Variants in PRKD1 observed in about 807,000 individuals in gnomAD.
The protein encoded by PRKD1 is serine/threonine-protein kinase D1.
PRKD1 carries 63 observed loss-of-function variants against 95.9 expected under a neutral mutation model. The observed-to-expected ratio is 0.66, with a 90% CI of 0.54 to 0.81. The LOEUF (loss-of-function observed/expected upper bound fraction) is 0.81, where lower values mean the gene tolerates loss of function less well. Among genes scored for constraint, PRKD1 ranks in the 30% least tolerant of loss-of-function variants. The pLI is 0.00. For synonymous variants in PRKD1, 425 were observed against 423.1 expected (o/e 1.00, Z -0.05); for missense variants, 1,048 against 1,165.3 (o/e 0.90, Z 1.47).
intron 1 of PRKD1, among the ~76,000 whole-genome samples, chr14:29,849,871 T>TAAAG (rs1892236960): frequency 2.6e-5 from 4 of 152,204 alleles, no homozygotes; most frequent in African/African-American, 9.6e-5. Context: ...GTCGACTTTA[T>TAAAG]TCCCAGGATG....
intron 1 of PRKD1, among the ~76,000 whole-genome samples, chr14:29,877,232 A>C (rs1893333237): frequency 6.6e-6 from 1 of 152,230 alleles, no homozygotes. Context: ...GAGAAACTGC[A>C]ACCCTGGTAC....
intron 13 of PRKD1, among the ~76,000 whole-genome samples, chr14:29,609,717 T>A (rs1394858474): frequency 5.7e-4 from 61 of 106,882 alleles, no homozygotes; most frequent in Middle Eastern, 4.6e-3. Flanking sequence ...TTTCTTTATT[T>A]TTTTTTTTTT....
chr14:29,700,503 T>C (rs954728), intron 2 of PRKD1, among the ~76,000 whole-genome samples: 77,421 of 151,924 alleles, frequency 0.51, 21,974 homozygotes, highest in African/African-American at 0.77. Flanking sequence ...TCCTATTTTT[T>C]CTGTATTTCA....
intron 1 of PRKD1, among the ~76,000 whole-genome samples, chr14:29,818,616 GAAA>G (rs71108499): frequency 7.7e-6 from 1 of 129,996 alleles, no homozygotes; most frequent in Non-Finnish European, 1.6e-5. Context: ...TACTTCATTT[GAAA>G]AAAAAAAAAA....
At chr14:29,880,080 G>T (rs1355738292) in intron 1 of PRKD1, among the ~76,000 whole-genome samples, 1 of 152,204 alleles carries the variant, frequency 6.6e-6, no homozygotes, top group Non-Finnish European at 1.5e-5. Context: ...AATGGCTGCA[G>T]AAATTTGCAT....
intron 1 of PRKD1, among the ~76,000 whole-genome samples, chr14:29,890,580 T>C (rs1014711904): frequency 4.6e-5 from 7 of 152,174 alleles, no homozygotes; most frequent in African/African-American, 1.7e-4. Flanking sequence ...GCAATAACCT[T>C]AAAAAATTCA....
chr14:29,819,577 C>T (rs1255490138), intron 1 of PRKD1, among the ~76,000 whole-genome samples: 1 of 152,060 alleles, frequency 6.6e-6, no homozygotes, highest in African/African-American at 2.4e-5. Flanking sequence ...GTAGTCCCAG[C>T]TACTCGGGAG....
At chr14:29,671,613 A>T (rs1882846351) in intron 2 of PRKD1, among the ~76,000 whole-genome samples, 1 of 151,062 alleles carries the variant, frequency 6.6e-6, no homozygotes, top group Non-Finnish European at 1.5e-5. Flanking sequence ...GAAAAAAAAT[A>T]GGAAGAAGTA....
chr14:29,902,344 AG>A (rs1168572566), intron 1 of PRKD1, among the ~76,000 whole-genome samples: 1 of 152,214 alleles, frequency 6.6e-6, no homozygotes, highest in Non-Finnish European at 1.5e-5. Context: ...TTTTGTTACT[AG>A]AAAAAATAGG....
rs1290149476 is a variant in PRKD1, at chr14:29,826,842, CACAT to C, written c.264+100403_264+100406del. Among the ~76,000 whole-genome samples the C allele has an allele frequency of 8.7e-3, 172 of 19,864 alleles. 23 individuals are homozygous for C. Among genetic ancestry groups the C allele is most frequent in the Non-Finnish European group, 0.011 (117 of 11,070 alleles). 13.0% of individuals were successfully genotyped at this position (19,864 alleles called of 152,430 possible). A position where few individuals can be genotyped will look rare whatever the true frequency, so the allele number is the denominator to read the frequency against. On this transcript the variant is annotated intron_variant, in intron 1 of 17. Coordinates refer to ENST00000331968, the MANE Select transcript of PRKD1 (RefSeq NM_002742.3). ...ATATATATATATATATATATATACA[CACAT>C]ATATATATATATATATATATATATA...
At chr14:29,796,812 T>C (rs1307246499) in intron 1 of PRKD1, among the ~76,000 whole-genome samples, 7 of 152,106 alleles carry the variant, frequency 4.6e-5, no homozygotes, top group South Asian at 2.1e-4. Flanking sequence ...TAGGAGTTAA[T>C]TAAAGGAGAA....
intron 16 of PRKD1, 89 bp downstream of exon 16, chr14:29,597,400 TAA>T (rs1893346938): frequency 7.7e-7 from 1 of 1,290,834 alleles, no homozygotes; most frequent in South Asian, 1.9e-5. Context: ...GAGCATGTAT[TAA>T]GTTAATAATT....
Position 29,734,517 on chromosome 14 carries a change from T to A in PRKD1, c.265-8843A>T, listed in dbSNP as rs146228054. ...TTTAAGCTTTGTTAGGACAGCTCTA[T>A]AGCAGTCTTTGTTCTGGGGATAGTT... is the stretch of plus-strand genomic sequence containing the variant. On this transcript the variant is annotated intron_variant, in intron 1 of 17. Coordinates refer to ENST00000331968, the MANE Select transcript of PRKD1 (RefSeq NM_002742.3). Among the ~76,000 whole-genome samples, 633 of 152,296 alleles carry A rather than the reference T, an allele frequency of 4.2e-3. 9 individuals carry two copies. Among genetic ancestry groups the A allele is most frequent in the East Asian group, 0.016 (81 of 5,188 alleles).
chr14:29,803,578 T>C (rs1485470618), intron 1 of PRKD1, among the ~76,000 whole-genome samples: 3 of 152,102 alleles, frequency 2.0e-5, no homozygotes, highest in Non-Finnish European at 4.4e-5. Flanking sequence ...AACACAGCTG[T>C]TTTAATAAAA....
At chr14:29,742,370 G>A (rs1013921089) in intron 1 of PRKD1, among the ~76,000 whole-genome samples, 1 of 152,104 alleles carries the variant, frequency 6.6e-6, no homozygotes, top group Non-Finnish European at 1.5e-5. Context: ...TTTTGGACTC[G>A]CCTACAAAGA....
intron 1 of PRKD1, among the ~76,000 whole-genome samples, chr14:29,873,035 A>G (rs1001891278): frequency 5.9e-5 from 9 of 152,154 alleles, no homozygotes; most frequent in Non-Finnish European, 1.3e-4. Context: ...GCCTTAACAA[A>G]CACTGCTTTA....
chr14:29,628,554 T>C (rs948217364), intron 11 of PRKD1, among the ~76,000 whole-genome samples: 1 of 152,186 alleles, frequency 6.6e-6, no homozygotes, highest in African/African-American at 2.4e-5. Context: ...ACCCGTAAGA[T>C]TCGATTTATG....
At chr14:29,885,615 C>T (rs1170412693) in intron 1 of PRKD1, among the ~76,000 whole-genome samples, 1 of 151,902 alleles carries the variant, frequency 6.6e-6, no homozygotes, top group Non-Finnish European at 1.5e-5. Flanking sequence ...ATAAGAACAG[C>T]ATTTGCCAGG....
chr14:29,606,332 A>C (rs571141496), intron 13 of PRKD1, among the ~76,000 whole-genome samples: 1 of 152,176 alleles, frequency 6.6e-6, no homozygotes, highest in Non-Finnish European at 1.5e-5. Context: ...TTTTTTGATA[A>C]ATACTAATAA....
Sources: allele counts gnomAD v4.1 joint callset (sites outside exome capture counted in the v4.1 genomes callset), GRCh38; gene constraint gnomAD v4.1.1; transcripts MANE v1.5; gene names NCBI Gene and HGNC (gene_info 2026-07-23, HGNC 2026-07-21).